The following EPHA3 variants were observed in gnomAD, a reference collection of about 807,000 sequenced individuals.
EPHA3 encodes the protein ephrin type-A receptor 3.
A neutral mutation model predicts 107.1 loss-of-function variants in EPHA3; 42 were observed. The observed-to-expected ratio is 0.39, with a 90% CI of 0.31 to 0.51. The LOEUF is 0.51. EPHA3 is among the 20% of genes least tolerant of loss of function. The probability of loss-of-function intolerance (pLI) is 0.78; values close to 1 mark genes in which losing one functional copy is unlikely to be tolerated. For missense variants in EPHA3, 1,183 were observed against 1,211.2 expected (o/e 0.98, Z 0.35); for synonymous variants, 461 against 424.8 (o/e 1.09, Z -1.05).
intron 7 of EPHA3, among the ~76,000 whole-genome samples, chr3:89,400,620 TGTGTGTGTGTGTGAGC>T (rs1162081436): frequency 1.4e-5 from 2 of 146,722 alleles, no homozygotes; most frequent in African/African-American, 2.5e-5. Context: ...CATAATTATG[TGTGTGTGTGTGTGAGC>T]GTGTGTGTGT....
Position 89,432,372 on chromosome 3 carries a change from G to T in EPHA3, c.2346+1013G>T, listed in dbSNP as rs371274599. Among the ~76,000 whole-genome samples, 5 of 151,970 alleles carry T rather than the reference G, an allele frequency of 3.3e-5. No individual in the cohort carries two copies. In the East Asian group the frequency reaches 7.7e-4, roughly 23 times the overall value. On this transcript the variant is annotated intron_variant, in intron 13 of 16. Coordinates refer to ENST00000336596, the MANE Select transcript of EPHA3 (RefSeq NM_005233.6). ...ATTTTTTGTGAGCTTTTCTGTTGTT[G>T]TTTTGTTTTGTGTTTGTTTTTTGTT... is the stretch of plus-strand genomic sequence containing the variant.
At chr3:89,168,611 GTATAT>G (rs528912202) in intron 2 of EPHA3, among the ~76,000 whole-genome samples, 72 of 151,950 alleles carry the variant, frequency 4.7e-4, no homozygotes, top group African/African-American at 1.6e-3. Context: ...TTAGAGTTTA[GTATAT>G]TATATCAAAA....
rs182052894 is a variant in EPHA3, at chr3:89,367,376, C to G, written c.1306+25286C>G. Among the ~76,000 whole-genome samples, 76 of 150,640 alleles carry G rather than the reference C, an allele frequency of 5.0e-4. 2 individuals are homozygous for G. The highest frequency in any genetic ancestry group is 7.6e-4 in the Non-Finnish European group (51 of 67,146). On this transcript the variant is annotated intron_variant, in intron 5 of 16. Coordinates refer to ENST00000336596, the MANE Select transcript of EPHA3 (RefSeq NM_005233.6). ...TTTCTTCACTAGAGTGAGCTGGCCT[C>G]CCGTGTACCCACATAGGAATCAGTT... is the stretch of plus-strand genomic sequence containing the variant.
intron 13 of EPHA3, among the ~76,000 whole-genome samples, chr3:89,440,019 G>T (rs1284425357): frequency 1.3e-5 from 2 of 152,036 alleles, no homozygotes; most frequent in African/African-American, 4.8e-5. Flanking sequence ...ATGAGGTTTT[G>T]CTACCTAAAG....
intron 2 of EPHA3, among the ~76,000 whole-genome samples, chr3:89,202,530 AAAAAATAT>A (rs1206385638): frequency 9.4e-3 from 257 of 27,358 alleles, no homozygotes; most frequent in African/African-American, 0.016. Flanking sequence ...AAAAAAAAAA[AAAAAATAT>A]ATATATATAT....
At chr3:89,333,570 G>A (rs1242477091) in intron 3 of EPHA3, among the ~76,000 whole-genome samples, 1 of 152,098 alleles carries the variant, frequency 6.6e-6, no homozygotes, top group Non-Finnish European at 1.5e-5. Context: ...AGCAAGAAAA[G>A]GGTAAATAAA....
chr3:89,238,399 A>T (rs1011522510), intron 3 of EPHA3, among the ~76,000 whole-genome samples: 1 of 152,210 alleles, frequency 6.6e-6, no homozygotes, highest in Non-Finnish European at 1.5e-5. Flanking sequence ...TTGAAATCTC[A>T]TAGAGGTATG....
At chr3:89,294,830 G>A (rs970548098) in intron 3 of EPHA3, among the ~76,000 whole-genome samples, 1 of 152,104 alleles carries the variant, frequency 6.6e-6, no homozygotes, top group Non-Finnish European at 1.5e-5. Context: ...ATTATGAGTT[G>A]TATTTCCTTG....
chr3:89,190,482 A>T (rs1276641806), intron 2 of EPHA3, among the ~76,000 whole-genome samples: 1 of 152,148 alleles, frequency 6.6e-6, no homozygotes, highest in African/African-American at 2.4e-5. Context: ...GTTACAAGAT[A>T]TATTCTTTGT....
At chr3:89,121,272 T>C (rs1707377582) in intron 1 of EPHA3, among the ~76,000 whole-genome samples, 1 of 151,996 alleles carries the variant, frequency 6.6e-6, no homozygotes. Context: ...AATAAATTAT[T>C]ACATCATAAT....
chr3:89,320,069 G>GA (rs966898363), intron 3 of EPHA3, among the ~76,000 whole-genome samples: 2 of 151,620 alleles, frequency 1.3e-5, no homozygotes, highest in Admixed American at 6.6e-5. Context: ...TTCTGATATT[G>GA]AAAAAAATAG....
In EPHA3 at chr3:89,408,056, T is replaced by G; in HGVS notation, c.1698-11T>G. 6.2e-7 allele frequency: 1 copy of G among 1,612,368 alleles called. No individual in the cohort carries two copies. The highest frequency in any genetic ancestry group is 8.5e-7 in the Non-Finnish European group (1 of 1,178,828). On this transcript the variant is annotated splice_polypyrimidine_tract_variant and intron_variant, in intron 8 of 16. Coordinates refer to ENST00000336596, the MANE Select transcript of EPHA3 (RefSeq NM_005233.6). ...CCTCTTATGTGTTCGCTTTCCTTGA[T>G]TTACCTCCAGGTTCTGTGGCTATAA...
chr3:89,280,276 A>C (rs1705909417), intron 3 of EPHA3, among the ~76,000 whole-genome samples: 1 of 152,218 alleles, frequency 6.6e-6, no homozygotes, highest in Admixed American at 6.5e-5. Flanking sequence ...ACTTTTCAAT[A>C]GGATTCAAGA....
intron 6 of EPHA3, among the ~76,000 whole-genome samples, chr3:89,396,831 G>A (rs1708859985): frequency 6.6e-6 from 1 of 152,136 alleles, no homozygotes; most frequent in Non-Finnish European, 1.5e-5. Context: ...CATTTCTGTG[G>A]ACATTACTTA....
At chr3:89,243,821 G>A (rs1441632053) in intron 3 of EPHA3, among the ~76,000 whole-genome samples, 2 of 151,976 alleles carry the variant, frequency 1.3e-5, no homozygotes, top group African/African-American at 2.4e-5. Context: ...TTGAACTGGT[G>A]GAGTTCTTAA....
At chr3:89,317,461 A>C (rs1258384066) in intron 3 of EPHA3, among the ~76,000 whole-genome samples, 1 of 151,756 alleles carries the variant, frequency 6.6e-6, no homozygotes, top group Non-Finnish European at 1.5e-5. Context: ...GGGATAAAGC[A>C]AAGTAGCAAA....
intron 15 of EPHA3, among the ~76,000 whole-genome samples, chr3:89,454,300 C>T (rs1315091521): frequency 2.0e-5 from 3 of 152,106 alleles, no homozygotes; most frequent in African/African-American, 7.2e-5. Context: ...AGTCAATATT[C>T]TGAAAATTTA....
chr3:89,143,129 G>A (rs776850181), intron 2 of EPHA3, among the ~76,000 whole-genome samples: 4 of 151,082 alleles, frequency 2.6e-5, no homozygotes, highest in African/African-American at 4.8e-5. Context: ...CTTTAAGTCC[G>A]GAATTCTGCA....
intron 3 of EPHA3, among the ~76,000 whole-genome samples, chr3:89,228,024 G>T (rs528932632): frequency 8.7e-4 from 132 of 151,886 alleles, no homozygotes; most frequent in African/African-American, 3.1e-3. Context: ...TCGTTTAGTT[G>T]GTAGTTCAAT....
Sources: gnomAD v4.1 joint callset for allele counts (sites outside exome capture counted in the v4.1 genomes callset) on GRCh38, gnomAD v4.1.1 for gene constraint, MANE v1.5 for transcripts, NCBI Gene and HGNC (gene_info 2026-07-23, HGNC 2026-07-21) for gene names.